The following NCKAP5 variants were observed in gnomAD, a reference collection of about 807,000 sequenced individuals.
The protein encoded by NCKAP5 is nck-associated protein 5.
NCKAP5 carries 92 observed loss-of-function variants against 167.0 expected under a neutral mutation model. The observed-to-expected ratio is 0.55, with a 90% CI of 0.47 to 0.66. The LOEUF (loss-of-function observed/expected upper bound fraction) is 0.66. Among genes scored for constraint, NCKAP5 ranks in the 30% least tolerant of loss-of-function variants. NCKAP5 has a pLI of 0.00. For missense variants in NCKAP5, 2,378 were observed against 2,315.0 expected, an observed-to-expected ratio of 1.03 and a Z score of -0.56; for synonymous variants, 891 against 877.4, an observed-to-expected ratio of 1.02 and a Z score of -0.27.
intron 5 of NCKAP5, among the ~76,000 whole-genome samples, chr2:133,164,650 C>A (rs2083929481): frequency 6.6e-6 from 1 of 152,146 alleles, no homozygotes; most frequent in African/African-American, 2.4e-5. Flanking sequence ...CAAGTTCTTG[C>A]CACTTTCCTT....
chr2:132,704,124 C>T lies in NCKAP5; in HGVS notation c.5713+21503G>A, dbSNP rs1310105108. 2.6e-5 allele frequency among the ~76,000 whole-genome samples: 4 copies of T among 152,190 alleles called. No individual in the cohort carries two copies. The East Asian group carries it at 7.7e-4, about 29-fold the overall frequency. On this transcript the variant is annotated intron_variant, in intron 19 of 19. Coordinates refer to ENST00000409261, the MANE Select transcript of NCKAP5 (RefSeq NM_207363.3). ...CAACCTCTTTTCTGAAGGTGTCTTT[C>T]ACCTTGTAGTTCTAACTGAAATTTG... is the stretch of plus-strand genomic sequence containing the variant.
At chr2:132,809,779 G>T (rs1005911196) in intron 11 of NCKAP5, among the ~76,000 whole-genome samples, 4 of 152,144 alleles carry the variant, frequency 2.6e-5, no homozygotes, top group Non-Finnish European at 5.9e-5. Context: ...GTATTGAGAT[G>T]TGACGTACCA....
At position 133,178,504 on chromosome 2, in the gene NCKAP5, C is replaced by CAAAAA. The variant is rs869253241; in HGVS notation, c.207+35207_207+35211dup. Reference sequence around the variant, plus strand: ...TGGGTGACACAATGAGACCCTGTCTCAAAAAAAAAAAAAAAAAAAAAAAAA... The same window carrying CAAAAA: ...TGGGTGACACAATGAGACCCTGTCTCAAAAAAAAAAAAAAAAAAAAAAAAAAAAAA... On this transcript the variant is annotated intron_variant, in intron 5 of 19. Coordinates refer to ENST00000409261, the MANE Select transcript of NCKAP5 (RefSeq NM_207363.3). Among the ~76,000 whole-genome samples, 38 of 23,952 alleles carry CAAAAA rather than the reference C, an allele frequency of 1.6e-3. 15 individuals are homozygous for CAAAAA. The highest frequency in any genetic ancestry group is 8.8e-3 in the African/African-American group (33 of 3,760). The allele number at this position is 23,952 out of a possible 152,430, so 15.7% of individuals were successfully genotyped here.
At chr2:133,151,733 T>C (rs1452324815) in intron 5 of NCKAP5, among the ~76,000 whole-genome samples, 1 of 152,194 alleles carries the variant, frequency 6.6e-6, no homozygotes, top group African/African-American at 2.4e-5. Flanking sequence ...AAGCTAAACA[T>C]AGGCTTACCT....
intron 6 of NCKAP5, among the ~76,000 whole-genome samples, chr2:133,039,824 T>C (rs1305003316): frequency 6.6e-6 from 1 of 152,128 alleles, no homozygotes; most frequent in African/African-American, 2.4e-5. Context: ...CGGAAAACAC[T>C]ACCCTAAGAG....
chr2:133,064,042 C>A (rs555974202), intron 6 of NCKAP5, among the ~76,000 whole-genome samples: 4 of 152,278 alleles, frequency 2.6e-5, no homozygotes, highest in African/African-American at 9.6e-5. Flanking sequence ...CCAACCTCAG[C>A]GACTCACTAG....
At chr2:133,083,359 T>C (rs116771172) in intron 6 of NCKAP5, among the ~76,000 whole-genome samples, 289 of 152,258 alleles carry the variant, frequency 1.9e-3, no homozygotes, top group African/African-American at 6.7e-3. Context: ...CAATGGCCTA[T>C]CTGGTCTATG....
intron 5 of NCKAP5, among the ~76,000 whole-genome samples, chr2:133,179,142 C>CA (rs1395506060): frequency 6.6e-6 from 1 of 151,474 alleles, no homozygotes; most frequent in East Asian, 1.9e-4. Flanking sequence ...AACAAAACCC[C>CA]AAAAAACAAA....
chr2:133,131,134 C>T (rs1353070530), intron 5 of NCKAP5, among the ~76,000 whole-genome samples: 1 of 152,166 alleles, frequency 6.6e-6, no homozygotes, highest in Non-Finnish European at 1.5e-5. Flanking sequence ...CAGATTTTCT[C>T]CAGCTCTAAC....
At chr2:133,580,308 A>G in the NCKAP5 span, among the ~76,000 whole-genome samples, 13 of 152,202 alleles carry the variant, frequency 8.5e-5, no homozygotes, top group African/African-American at 2.7e-4. Context: ...TATGTTGCAA[A>G]TTATTTATAC....
intron 15 of NCKAP5, among the ~76,000 whole-genome samples, chr2:132,778,432 T>TA (rs1382154876): frequency 1.3e-5 from 2 of 152,156 alleles, no homozygotes; most frequent in African/African-American, 4.8e-5. Context: ...GCTACACATG[T>TA]GGATTTGTTA....
intron 18 of NCKAP5, among the ~76,000 whole-genome samples, chr2:132,726,520 C>T (rs370317860): frequency 1.0e-3 from 155 of 152,262 alleles, no homozygotes; most frequent in African/African-American, 3.7e-3. Flanking sequence ...TGTGTTGAAT[C>T]GAGGTTATTT....
chr2:133,097,744 A>AAAATATG (rs2081387220), intron 6 of NCKAP5, among the ~76,000 whole-genome samples: 1 of 152,196 alleles, frequency 6.6e-6, no homozygotes, highest in Non-Finnish European at 1.5e-5. Flanking sequence ...CAGAGACTGC[A>AAAATATG]AAATATGAAC....
At chr2:133,260,439 G>A (rs536541988) in intron 4 of NCKAP5, among the ~76,000 whole-genome samples, 20 of 152,272 alleles carry the variant, frequency 1.3e-4, no homozygotes, top group Non-Finnish European at 2.4e-4. Context: ...ATGCCTTCTT[G>A]AGTTAATTCA....
chr2:132,943,877 G>A (rs1020249332), intron 8 of NCKAP5, among the ~76,000 whole-genome samples: 1 of 152,232 alleles, frequency 6.6e-6, no homozygotes, highest in African/African-American at 2.4e-5. Flanking sequence ...TTCAGAAACT[G>A]CAGACATGAG....
chr2:133,313,172 C>T (rs1039738001), intron 3 of NCKAP5, among the ~76,000 whole-genome samples: 20 of 152,172 alleles, frequency 1.3e-4, no homozygotes, highest in African/African-American at 3.9e-4. Context: ...CCCCCTCCAC[C>T]GCAGCCCTCT....
At chr2:133,074,891 A>G (rs553686921) in intron 6 of NCKAP5, among the ~76,000 whole-genome samples, 1 of 152,326 alleles carries the variant, frequency 6.6e-6, no homozygotes, top group African/African-American at 2.4e-5. Context: ...GTCACAGAAA[A>G]TGAAAAGAAA....
chr2:133,283,326 T>A (rs2150476530), intron 4 of NCKAP5, among the ~76,000 whole-genome samples: 1 of 152,272 alleles, frequency 6.6e-6, no homozygotes, highest in East Asian at 1.9e-4. Flanking sequence ...CCTTTGTTCC[T>A]TTTGTCCTTT....
chr2:133,310,756 T>C (rs759823473), intron 3 of NCKAP5, among the ~76,000 whole-genome samples: 2 of 152,144 alleles, frequency 1.3e-5, no homozygotes, highest in Non-Finnish European at 2.9e-5. Context: ...CAAAGGTGTG[T>C]TAAGTAAGTG....
Sources: allele counts gnomAD v4.1 joint callset (sites outside exome capture counted in the v4.1 genomes callset), GRCh38; gene constraint gnomAD v4.1.1; transcripts MANE v1.5; gene names NCBI Gene and HGNC (gene_info 2026-07-23, HGNC 2026-07-21).